Variants in GATA4 observed in about 807,000 individuals in gnomAD.
GATA4 encodes GATA binding protein 4.
GATA4 carries 7 observed loss-of-function variants against 37.9 expected under a neutral mutation model. The observed-to-expected ratio is 0.18, with a 90% CI of 0.11 to 0.35. The LOEUF is 0.35. Among genes scored for constraint, GATA4 ranks in the 10% least tolerant of loss-of-function variants. GATA4 has a pLI of 1.00. For missense variants in GATA4, 647 were observed against 653.0 expected, an observed-to-expected ratio of 0.99 and a Z score of 0.10; for synonymous variants, 372 against 292.6, an observed-to-expected ratio of 1.27 and a Z score of -2.77.
chr8:11,678,768 A>AT (rs1266626745), intron 1 of GATA4, among the ~76,000 whole-genome samples: 1 of 151,812 alleles, frequency 6.6e-6, no homozygotes, highest in African/African-American at 2.4e-5. Flanking sequence ...TTTATGAACT[A>AT]TTTTTTTTCA....
At chr8:11,734,527 C>T (rs1316544082) in intron 2 of GATA4, among the ~76,000 whole-genome samples, 1 of 152,176 alleles carries the variant, frequency 6.6e-6, no homozygotes, top group Non-Finnish European at 1.5e-5. Context: ...GCTCTTGTTG[C>T]CCAGGCTGGA....
chr8:11,699,071 A>G (rs1322460264), intron 1 of GATA4, among the ~76,000 whole-genome samples: 1 of 152,106 alleles, frequency 6.6e-6, no homozygotes, highest in African/African-American at 2.4e-5. Context: ...CATTCACCCA[A>G]CACTTATTGA....
intron 1 of GATA4, chr8:11,698,123 C>G: frequency 1.9e-6 from 1 of 531,900 alleles, no homozygotes; most frequent in South Asian, 8.2e-5. Flanking sequence ...TGGCCTCTCT[C>G]TGCGTCGCCA....
chr8:11,715,215 C>T (rs1800384056), intron 2 of GATA4, among the ~76,000 whole-genome samples: 2 of 152,072 alleles, frequency 1.3e-5, no homozygotes, highest in Non-Finnish European at 2.9e-5. Context: ...AGATTATATT[C>T]ACTTGAAAAT....
At chr8:11,715,669 A>G (rs1585613200) in intron 2 of GATA4, among the ~76,000 whole-genome samples, 1 of 148,586 alleles carries the variant, frequency 6.7e-6, no homozygotes. Context: ...TGAACCCGGG[A>G]GTTGGAGGTT....
chr8:11,756,987 C>T lies in GATA4; in HGVS notation c.1053C>T (p.Ser351=), dbSNP rs374682201. 3.1e-6 allele frequency: 5 copies of T among 1,614,152 alleles called. No individual in the cohort carries two copies. In the African/African-American group the frequency reaches 6.7e-5, roughly 22 times the overall value. ...LPPASGASSN[S]SNATTSSSEE... The stretch of plus-strand genomic sequence containing the variant: ...CCGCCAGCGGTGCTTCCAGCAACTC[C>T]AGCAACGCCACCACCAGCAGCAGCG... The change falls in exon 6 of 7, where the codon TCC becomes TCT. Residue 351 remains serine (S), a synonymous_variant. Transcript: ENST00000532059.
Position 11,758,372 on chromosome 8 carries a change from G to A in GATA4, c.1229G>A (p.Gly410Asp). Reference sequence around the variant, plus strand: ...TCGGCCCTGAAGCTCTCCCCACAAGGCTATGCGTCTCCCGTCAGCCAGTCT... The same window carrying A: ...TCGGCCCTGAAGCTCTCCCCACAAGACTATGCGTCTCCCGTCAGCCAGTCT... ...VLSALKLSPQ[G>D]YASPVSQSPQ... is the part of the protein sequence containing the mutation. The change falls in exon 7 of 7, where the codon GGC becomes GAC. Residue 410 changes from glycine to aspartate, a missense_variant. Physicochemically the swap from Gly to Asp is moderately conservative, Grantham distance 94. Coordinates refer to ENST00000532059, the MANE Select transcript of GATA4 (RefSeq NM_001308093.3). The A allele has an allele frequency of 2.5e-6, 4 of 1,614,178 alleles. No homozygotes were observed. The highest frequency in any genetic ancestry group is 3.4e-6 in the Non-Finnish European group (4 of 1,180,022).
chr8:11,683,914 G>C (rs560319028), intron 1 of GATA4, among the ~76,000 whole-genome samples: 1 of 152,310 alleles, frequency 6.6e-6, no homozygotes, highest in East Asian at 1.9e-4. Flanking sequence ...TCTGTGAACG[G>C]GAAAGAATTT....
In GATA4 at chr8:11,756,693, A is replaced by G. The variant is rs116245229; in HGVS notation, c.1001-242A>G. ...GAATCTTCAAGTTGAATGAGGAAGA[A>G]TCTTTTTTTAAAAAGTTTTGAAGCC... On this transcript the variant is annotated intron_variant, in intron 5 of 6. Coordinates refer to ENST00000532059, the MANE Select transcript of GATA4 (RefSeq NM_001308093.3). The G allele has an allele frequency of 6.9e-4, 402 of 582,612 alleles. 1 individual carries two copies. The highest frequency in any genetic ancestry group is 6.0e-3 in the African/African-American group (322 of 53,616). 36.1% of individuals were successfully genotyped at this position (582,612 alleles called of 1,614,324 possible). A position where few individuals can be genotyped will look rare whatever the true frequency, so the allele number is the denominator to read the frequency against.
At chr8:11,680,414 G>T in intron 1 of GATA4, 1 of 929,620 alleles carries the variant, frequency 1.1e-6, no homozygotes, top group Non-Finnish European at 1.3e-6. Context: ...CTCGGCCCAC[G>T]AGGCTGAGGA....
At position 11,749,907 on chromosome 8, in the gene GATA4, A is replaced by G. The variant is rs1312976861; in HGVS notation, c.787-204A>G. On this transcript the variant is annotated intron_variant, in intron 3 of 6. Coordinates refer to ENST00000532059, the MANE Select transcript of GATA4 (RefSeq NM_001308093.3). This position sits in a 1 kb window ranked among gnomAD's most constrained non-coding sequence, Gnocchi z 4.6. ...CCCACGTTCGCTCTCCTCGGGCAGC[A>G]GAAACCTTGTTCTGATTTATTCCTC... Among the ~76,000 whole-genome samples the G allele has an allele frequency of 6.6e-6, 1 of 152,248 alleles. No individual in the cohort carries two copies. Among genetic ancestry groups the G allele is most frequent in the Non-Finnish European group, 1.5e-5 (1 of 68,038 alleles).
At chr8:11,698,601 A>G (rs1011950405) in intron 1 of GATA4, among the ~76,000 whole-genome samples, 1 of 151,768 alleles carries the variant, frequency 6.6e-6, no homozygotes, top group East Asian at 1.9e-4. Context: ...TGGTCTCTCC[A>G]TCCTTCCAGG....
chr8:11,683,003 A>G, intron 1 of GATA4: 1 of 918,976 alleles, frequency 1.1e-6, no homozygotes, highest in South Asian at 5.0e-5. Flanking sequence ...TTCTGGGAAG[A>G]GTCTTGAGGT....
rs1802176493 is a variant in GATA4 at position 11,749,199 on chromosome 8, T to C, written c.786+114T>C. ...TTGAGGGTGTGCATCGGGGATTACG[T>C]GGGTGAGAGCCCCATAATAATTCTC... On this transcript the variant is annotated intron_variant, in intron 3 of 6. Coordinates refer to ENST00000532059, the MANE Select transcript of GATA4 (RefSeq NM_001308093.3). This position sits in a 1 kb window ranked among gnomAD's most constrained non-coding sequence, Gnocchi z 4.6. 4 of 991,106 alleles carry C rather than the reference T, an allele frequency of 4.0e-6. No homozygotes were observed. The highest frequency in any genetic ancestry group is 6.1e-6 in the Non-Finnish European group (4 of 650,544). 61.4% of individuals were successfully genotyped at this position (991,106 alleles called of 1,614,324 possible).
At chr8:11,752,119 G>A (rs1802332296) in intron 4 of GATA4, among the ~76,000 whole-genome samples, 1 of 151,930 alleles carries the variant, frequency 6.6e-6, no homozygotes, top group African/African-American at 2.4e-5. Flanking sequence ...AATAATCTAG[G>A]GCCATGTATC....
At chr8:11,697,700 G>C (rs936205624) in intron 1 of GATA4, 1 of 985,360 alleles carries the variant, frequency 1.0e-6, no homozygotes, top group Non-Finnish European at 1.2e-6. Context: ...TTTCGCACTT[G>C]GGCTTCGCGC....
chr8:11,726,939 G>A (rs1800954935), intron 2 of GATA4, among the ~76,000 whole-genome samples: 1 of 152,096 alleles, frequency 6.6e-6, no homozygotes, highest in South Asian at 2.1e-4. Context: ...CATCTAGTTT[G>A]TCCTTTCCCA....
At chr8:11,698,756 C>T (rs1585574818) in intron 1 of GATA4, among the ~76,000 whole-genome samples, 1 of 152,318 alleles carries the variant, frequency 6.6e-6, no homozygotes, top group South Asian at 2.1e-4. Flanking sequence ...CAAATCCTGG[C>T]TGTGCACAGG....
upstream of GATA4, among the ~76,000 whole-genome samples, chr8:11,691,452 C>A (rs1799310895): frequency 6.6e-6 from 1 of 152,186 alleles, no homozygotes; most frequent in South Asian, 2.1e-4. Context: ...AGGCACGTGC[C>A]ACCACAACCC....
Sources: allele counts gnomAD v4.1 joint callset (sites outside exome capture counted in the v4.1 genomes callset), GRCh38; gene constraint gnomAD v4.1.1; non-coding constraint Gnocchi (gnomAD v3.1); transcripts MANE v1.5; gene names NCBI Gene and HGNC (gene_info 2026-07-23, HGNC 2026-07-21).